CYP4Z1: variants seen among roughly 807,000 people sequenced by gnomAD.
The protein encoded by CYP4Z1 is cytochrome P450 family 4 subfamily Z member 1.
In CYP4Z1, 41 loss-of-function variants were observed where a neutral mutation model predicts 54.2. The ratio of observed to expected loss-of-function variants is 0.76; its 90% CI spans 0.59 to 0.98. CYP4Z1 has a LOEUF of 0.98. CYP4Z1 is among the 50% of genes least tolerant of loss of function. The pLI, the probability that CYP4Z1 is intolerant of heterozygous loss-of-function variation, is 0.00. For missense variants in CYP4Z1, 513 were observed against 599.0 expected, an observed-to-expected ratio of 0.86 and a Z score of 1.50; for synonymous variants, 163 against 206.2, an observed-to-expected ratio of 0.79 and a Z score of 1.79.
rs141717158 is a variant in CYP4Z1, at chr1:47,095,707, A to G, written c.876+1038A>G. 6.2e-3 allele frequency among the ~76,000 whole-genome samples: 950 copies of G among 152,258 alleles called. 10 individuals carry two copies. The highest frequency in any genetic ancestry group is 0.021 in the African/African-American group (857 of 41,538). ...AAGGAAGAGAAATTGTGGCTCAAAA[A>G]GTGAAGTGAACTGCTCAAGATGACA... On this transcript the variant is annotated intron_variant, in intron 7 of 11. Transcript: ENST00000334194.
Position 47,067,703 on chromosome 1 carries a change from C to A in CYP4Z1, c.177+36C>A, listed in dbSNP as rs755955156. On this transcript the variant is annotated intron_variant, in intron 1 of 11. Transcript: ENST00000334194. ...AAAATTAGTTGGGGAGGTTAAGGGA[C>A]AGAAAGATGAGGTATTAAAAAAAAA... is the stretch of plus-strand genomic sequence containing the variant. The A allele has an allele frequency of 1.2e-5, 19 of 1,525,232 alleles. 2 individuals carry two copies. In the South Asian group the frequency reaches 2.5e-4, roughly 20 times the overall value. The allele number at this position is 1,525,232 out of a possible 1,614,324, so 94.5% of individuals were successfully genotyped here.
intron 4 of CYP4Z1, among the ~76,000 whole-genome samples, chr1:47,083,772 T>C (rs1644572445): frequency 6.6e-6 from 1 of 152,118 alleles, no homozygotes; most frequent in African/African-American, 2.4e-5. Flanking sequence ...CCCTTCAGCC[T>C]GCTCCAACCA....
chr1:47,116,172 C>T (rs935959129), intron 10 of CYP4Z1, among the ~76,000 whole-genome samples: 3 of 152,104 alleles, frequency 2.0e-5, no homozygotes, highest in Admixed American at 6.6e-5. Flanking sequence ...CAGAGACTTT[C>T]GGGCAGAAGC....
intron 7 of CYP4Z1, chr1:47,097,260 C>CT (rs1644684819): frequency 6.6e-6 from 1 of 152,130 alleles, no homozygotes; most frequent in Admixed American, 6.5e-5. Context: ...GTGAATAGTG[C>CT]TGCAGTGAAC....
rs1644579005 is a variant in CYP4Z1 at position 47,084,706 on chromosome 1, G to A, written c.579G>A (p.Lys193=). 1 of 1,612,778 alleles carries A rather than the reference G, an allele frequency of 6.2e-7. No homozygotes were observed. The highest frequency in any genetic ancestry group is 1.3e-5 in the African/African-American group (1 of 74,872). Residue 193 remains lysine, a synonymous_variant, in exon 5 of 12, where the codon AAG becomes AAA. Transcript: ENST00000334194. ...VSLMTLDSIM[K]CAFSHQGSIQ... ...TGATGACCCTGGACAGCATCATGAAGTGTGCCTTCAGCCACCAGGGCAGCA... is the reference window on the plus strand; with the variant it reads ...TGATGACCCTGGACAGCATCATGAAATGTGCCTTCAGCCACCAGGGCAGCA...
chr1:47,085,695 C>CT (rs945279565), intron 6 of CYP4Z1, among the ~76,000 whole-genome samples: 4 of 150,562 alleles, frequency 2.7e-5, no homozygotes, highest in Middle Eastern at 3.4e-3. Context: ...TTTTCTTTTC[C>CT]TTTTTTTTAT....
intron 9 of CYP4Z1, among the ~76,000 whole-genome samples, chr1:47,109,989 C>A (rs1644781993): frequency 6.6e-6 from 1 of 151,882 alleles, no homozygotes; most frequent in Non-Finnish European, 1.5e-5. Flanking sequence ...CAAATTATGT[C>A]TTTTTCTGAC....
At chr1:47,111,019 T>C (rs1847221) in intron 9 of CYP4Z1, among the ~76,000 whole-genome samples, 64,811 of 151,240 alleles carry the variant, frequency 0.43, 15,264 homozygotes, top group East Asian at 0.96. Context: ...GTTATGGTGT[T>C]CCAGTTGCCA....
chr1:47,096,414 G>A (rs114002553), intron 7 of CYP4Z1, among the ~76,000 whole-genome samples: 5,376 of 152,108 alleles, frequency 0.035, 297 homozygotes, highest in African/African-American at 0.12. Flanking sequence ...AAAAATAATA[G>A]TAAAAAATAA....
At chr1:47,116,300 C>A (rs1387424588) in intron 10 of CYP4Z1, among the ~76,000 whole-genome samples, 1 of 152,134 alleles carries the variant, frequency 6.6e-6, no homozygotes, top group Non-Finnish European at 1.5e-5. Flanking sequence ...TAATTTGATG[C>A]TTTGCCCATT....
At chr1:47,105,946 A>G (rs1340199223) in intron 8 of CYP4Z1, among the ~76,000 whole-genome samples, 182 bp from the exon 9 acceptor site, 1 of 152,138 alleles carries the variant, frequency 6.6e-6, no homozygotes, top group Non-Finnish European at 1.5e-5. Context: ...TTACAGTTAC[A>G]TGTGAAAAGT....
chr1:47,059,302 C>T, the CYP4Z1 span, among the ~76,000 whole-genome samples: 1 of 152,094 alleles, frequency 6.6e-6, no homozygotes, highest in Non-Finnish European at 1.5e-5. Flanking sequence ...AAATAAGTTG[C>T]AGCTATAGAA....
Position 47,117,910 on chromosome 1 carries a change from T to G in CYP4Z1, c.1494T>G (p.His498Gln). The change falls in exon 12 of 12, where the codon CAT becomes CAG. Residue 498 changes from histidine (H) to glutamine (Q), a missense_variant. Coordinates refer to ENST00000334194, the MANE Select transcript of CYP4Z1 (RefSeq NM_178134.3). ...TCCTCAAGTCCAAGAATGGAATCCA[T>G]GTGTTTGCAAAAAAAGTTTGCTAAT... ...QVVLKSKNGI[H>Q]VFAKKVC is the part of the protein sequence containing the mutation. The G allele has an allele frequency of 1.2e-6, 2 of 1,613,096 alleles. No individual in the cohort carries two copies. The highest frequency in any genetic ancestry group is 1.1e-5 in the South Asian group (1 of 91,010).
chr1:47,079,095 C>G (rs1644545496), intron 2 of CYP4Z1, among the ~76,000 whole-genome samples: 1 of 152,112 alleles, frequency 6.6e-6, no homozygotes, highest in South Asian at 2.1e-4. Context: ...CATAGGAAAG[C>G]CCTTGTCCTT....
chr1:47,057,239 A>G, the CYP4Z1 span, among the ~76,000 whole-genome samples: 2 of 149,004 alleles, frequency 1.3e-5, no homozygotes, highest in Admixed American at 1.3e-4. Context: ...AGAATGTTGA[A>G]TATTGGCCCC....
chr1:47,113,577 A>T (rs555638357), intron 9 of CYP4Z1, among the ~76,000 whole-genome samples: 1 of 152,350 alleles, frequency 6.6e-6, no homozygotes, highest in Non-Finnish European at 1.5e-5. Flanking sequence ...CTTGGTTATG[A>T]AATCTATGAA....
intron 2 of CYP4Z1, among the ~76,000 whole-genome samples, chr1:47,072,712 T>C (rs1392636278): frequency 7.9e-6 from 1 of 126,296 alleles, no homozygotes; most frequent in Non-Finnish European, 1.7e-5. Flanking sequence ...TTATTACTCA[T>C]GGCATAATAG....
chr1:47,094,963 AAAAT>A (rs778996924), intron 7 of CYP4Z1, among the ~76,000 whole-genome samples: 189 of 152,290 alleles, frequency 1.2e-3, no homozygotes, highest in African/African-American at 4.3e-3. Context: ...TCTGTCTCAA[AAAAT>A]AAATAAATAA....
intron 2 of CYP4Z1, among the ~76,000 whole-genome samples, chr1:47,076,691 A>G (rs1644524559): frequency 6.6e-6 from 1 of 150,808 alleles, no homozygotes; most frequent in Non-Finnish European, 1.5e-5. Context: ...TAAAAATACA[A>G]AAAATTAGCC....
Sources: allele counts gnomAD v4.1 joint callset (sites outside exome capture counted in the v4.1 genomes callset), GRCh38; gene constraint gnomAD v4.1.1; transcripts MANE v1.5; gene names NCBI Gene and HGNC (gene_info 2026-07-23, HGNC 2026-07-21).